CAPRIN2: variants seen among roughly 807,000 people sequenced by gnomAD.
The protein encoded by CAPRIN2 is caprin-2.
In CAPRIN2, 66 loss-of-function variants were observed where a neutral mutation model predicts 130.4. That is an observed-to-expected ratio of 0.51 (90% CI 0.42 to 0.62). The LOEUF (loss-of-function observed/expected upper bound fraction) is 0.62, where lower values mean the gene tolerates loss of function less well. Among genes scored for constraint, CAPRIN2 ranks in the 20% least tolerant of loss-of-function variants. CAPRIN2 has a pLI of 0.00. For missense variants in CAPRIN2, 1,185 were observed against 1,246.6 expected, an observed-to-expected ratio of 0.95 and a Z score of 0.74; for synonymous variants, 471 against 444.1, an observed-to-expected ratio of 1.06 and a Z score of -0.76.
At chr12:30,750,844 G>A (rs1483623798) in intron 2 of CAPRIN2, among the ~76,000 whole-genome samples, 1 of 151,628 alleles carries the variant, frequency 6.6e-6, no homozygotes, top group African/African-American at 2.4e-5. Flanking sequence ...TTTCACTCCT[G>A]TTAACAATCT....
At chr12:30,751,255 T>A in intron 1 of CAPRIN2, 122 bp from the exon 3 acceptor site, 1 of 768,752 alleles carries the variant, frequency 1.3e-6, no homozygotes, top group South Asian at 1.5e-5. Context: ...TCTGCAAGAC[T>A]ATCATTTTAC....
At chr12:30,747,465 G>A (rs1467366336) in intron 2 of CAPRIN2, among the ~76,000 whole-genome samples, 2 of 152,056 alleles carry the variant, frequency 1.3e-5, no homozygotes, top group African/African-American at 4.8e-5. Context: ...ATCACCTGTG[G>A]TCGGGAGTTC....
In CAPRIN2 at chr12:30,716,610, G is replaced by A. The variant is rs751618967; in HGVS notation, c.2215C>T (p.Pro739Ser). ...GTGGTAAAACTTTGATTGTAGCCAG[G>A]TGAATAAGGGGATTCTTTTATTTCT... Residue 739 changes from proline to serine, a missense_variant, in exon 13 of 17, where the codon CCT (proline) becomes TCT (serine). Pro to Ser is a moderately conservative substitution (Grantham distance 74). Coordinates refer to ENST00000298892, the Ensembl canonical transcript of CAPRIN2. The A allele has an allele frequency of 2.7e-5, 43 of 1,613,888 alleles. No individual in the cohort carries two copies. The highest frequency in any genetic ancestry group is 3.6e-5 in the Non-Finnish European group (42 of 1,179,912).
intron 4 of CAPRIN2, 111 bp downstream of exon 5, chr12:30,734,849 AACACACAC>A (rs10557103): frequency 0.015 from 9,386 of 626,276 alleles, 81 homozygotes; most frequent in East Asian, 0.086. Flanking sequence ...CCCCCTCTCT[AACACACAC>A]ACACACACAC....
intron 12 of CAPRIN2, chr12:30,720,006 A>G (rs2058875819): frequency 6.6e-6 from 1 of 152,268 alleles, no homozygotes; most frequent in Admixed American, 6.5e-5. Flanking sequence ...TACTATGTCC[A>G]TCTCAAGGAT....
chr12:30,719,356 T>C (rs73079965), intron 12 of CAPRIN2, 131 bp from the exon 14 acceptor site: 67,956 of 987,440 alleles, frequency 0.069, 2,702 homozygotes, highest in Middle Eastern at 0.12. Flanking sequence ...TGCAAAAGAA[T>C]AGCTTTTGCT....
At chr12:30,721,257 T>C (rs1185527744) in intron 11 of CAPRIN2, among the ~76,000 whole-genome samples, 2 of 152,202 alleles carry the variant, frequency 1.3e-5, no homozygotes, top group African/African-American at 4.8e-5. Context: ...TCTCATCCCA[T>C]GTTCACTGAT....
exon 1 of CAPRIN2, chr12:30,753,455 G>A (rs2074952195): frequency 1.2e-6 from 2 of 1,614,144 alleles, no homozygotes; most frequent in South Asian, 1.1e-5. Flanking sequence ...TAGACTGCAG[G>A]GGGCTCAAGG....
intron 5 of CAPRIN2, among the ~76,000 whole-genome samples, chr12:30,732,704 T>C (rs1305786766): frequency 1.3e-5 from 2 of 152,136 alleles, no homozygotes; most frequent in African/African-American, 2.4e-5. Context: ...TCATCTATGT[T>C]GTTACATGTA....
intron 9 of CAPRIN2, among the ~76,000 whole-genome samples, chr12:30,725,367 C>T (rs1244246287): frequency 2.0e-5 from 3 of 152,180 alleles, no homozygotes; most frequent in East Asian, 3.8e-4. Context: ...AAATAAACAG[C>T]TGGTAAGTAA....
At chr12:30,732,336 T>C (rs1244676547) in intron 5 of CAPRIN2, among the ~76,000 whole-genome samples, 2 of 152,044 alleles carry the variant, frequency 1.3e-5, no homozygotes, top group Admixed American at 6.6e-5. Flanking sequence ...AGGAGTACTA[T>C]GACATAGATT....
chr12:30,715,616 T>C (rs968477989), intron 13 of CAPRIN2: 32 of 346,942 alleles, frequency 9.2e-5, no homozygotes, highest in African/African-American at 6.9e-4. Flanking sequence ...ACAGTTTGGT[T>C]GTACTTAATG....
chr12:30,750,327 CAA>C (rs1484054206), intron 2 of CAPRIN2, among the ~76,000 whole-genome samples: 1 of 152,118 alleles, frequency 6.6e-6, no homozygotes, highest in Non-Finnish European at 1.5e-5. Context: ...GACCCACAAA[CAA>C]GAGGAAATAA....
Position 30,710,195 on chromosome 12 carries a change from C to CA in CAPRIN2, c.2940dup (p.Asp981Ter), listed in dbSNP as rs1366190046. 9 of 1,614,126 alleles carry CA rather than the reference C, an allele frequency of 5.6e-6. No homozygotes were observed. Among genetic ancestry groups the CA allele is most frequent in the Non-Finnish European group, 7.6e-6 (9 of 1,180,020 alleles). On this transcript the variant is annotated frameshift_variant, in exon 17 of 17. Transcript: ENST00000298892. LOFTEE classifies it high-confidence loss of function. This position sits in a 1 kb window ranked among gnomAD's most constrained non-coding sequence, Gnocchi z 4.8. ...CAATTAAATCTACCAAGCTGAAGAT[C>CA]AAAAGTTTCTCCTAAGTTGTTCAGA...
At chr12:30,754,609 C>A, upstream of CAPRIN2, 1 of 152,486 alleles carries the variant, frequency 6.6e-6, no homozygotes, top group South Asian at 2.0e-4. Flanking sequence ...GACCGCGGCC[C>A]TCGGGAGCCC....
In CAPRIN2 at chr12:30,725,962, A is replaced by C. The variant is rs1017440572; in HGVS notation, c.1905+4T>G. The C allele has an allele frequency of 2.5e-6, 4 of 1,573,494 alleles. No homozygotes were observed. Among genetic ancestry groups the C allele is most frequent in the Admixed American group, 3.8e-5 (2 of 52,944 alleles). On this transcript the variant is annotated splice_donor_region_variant and intron_variant, in intron 9 of 16. Transcript: ENST00000298892. Reference sequence around the variant, plus strand: ...TCATTTAAGATTTTGTAAATGACTCATACTTGCATAAAGTTACAAGTTCCT... The same window carrying C: ...TCATTTAAGATTTTGTAAATGACTCCTACTTGCATAAAGTTACAAGTTCCT...
At position 30,716,690 on chromosome 12, in the gene CAPRIN2, G is replaced by C. The variant is rs2057690330; in HGVS notation, c.2149-14C>G. ...AACGTTAAATACCTTAAAAGACAAG[G>C]ACACACTGAGTCATTTGGGAAGTTT... On this transcript the variant is annotated splice_polypyrimidine_tract_variant and intron_variant, in intron 12 of 16. Transcript: ENST00000298892. 3.7e-6 allele frequency: 6 copies of C among 1,608,998 alleles called. No homozygotes were observed.
intron 13 of CAPRIN2, 30 bp downstream of exon 15, chr12:30,716,478 T>A: frequency 1.0e-5 from 16 of 1,602,300 alleles, no homozygotes; most frequent in Non-Finnish European, 1.3e-5. Context: ...TCCCTCTAAG[T>A]CTTCCAAATA....
rs945714683 is a variant in CAPRIN2, at chr12:30,731,228, T to G, written c.1060+115A>C. On this transcript the variant is annotated intron_variant, in intron 6 of 16. Coordinates refer to ENST00000298892, the Ensembl canonical transcript of CAPRIN2. ...GTTTATCCTGTGGTAAGTAAAGATTTCCATGCATGTAGAACCTAACAAATT... is the reference window on the plus strand; with the variant it reads ...GTTTATCCTGTGGTAAGTAAAGATTGCCATGCATGTAGAACCTAACAAATT... The G allele has an allele frequency of 8.9e-6, 6 of 677,566 alleles. No homozygotes were observed. The African/African-American group carries it at 1.1e-4, about 12-fold the overall frequency. 42.0% of individuals were successfully genotyped at this position (677,566 alleles called of 1,614,324 possible).
Sources: gnomAD v4.1 joint callset for allele counts (sites outside exome capture counted in the v4.1 genomes callset) on GRCh38, gnomAD v4.1.1 for gene constraint, Gnocchi (gnomAD v3.1) non-coding constraint, MANE v1.5 for transcripts, NCBI Gene and HGNC (gene_info 2026-07-23, HGNC 2026-07-21) for gene names.